Variants in LRRC72 observed in about 807,000 individuals in gnomAD.
LRRC72 encodes the protein leucine-rich repeat-containing protein 72.
Under a neutral mutation model 35.8 loss-of-function variants are expected in LRRC72, and 41 were observed. That is an observed-to-expected ratio of 1.15 (90% CI 0.89 to 1.49). LRRC72 has a LOEUF of 1.49. Ranked by LOEUF, LRRC72 falls within the 40% of genes most tolerant of loss-of-function variation. LRRC72 has a pLI of 0.00. For missense variants in LRRC72, 389 were observed against 330.7 expected, an observed-to-expected ratio of 1.18 and a Z score of -1.37; for synonymous variants, 118 against 119.2, an observed-to-expected ratio of 0.99 and a Z score of 0.07.
rs138972656 is a variant in LRRC72, at chr7:16,548,588, G to C, written c.235-8772G>C. Among the ~76,000 whole-genome samples the C allele has an allele frequency of 2.0e-3, 309 of 152,332 alleles. 2 individuals carry two copies. Among genetic ancestry groups the C allele is most frequent in the Middle Eastern group, 0.017 (5 of 294 alleles). On this transcript the variant is annotated intron_variant, in intron 3 of 8. Transcript: ENST00000401542. ...CCCAGCCACAGCCTCACAGGAAGCT[G>C]GTGCCCATGCCAATCCCTGGAACTG... is the stretch of plus-strand genomic sequence containing the variant.
At chr7:16,567,695 A>G (rs1030751917) in intron 7 of LRRC72, among the ~76,000 whole-genome samples, 152 bp downstream of exon 7, 3 of 152,094 alleles carry the variant, frequency 2.0e-5, no homozygotes, top group African/African-American at 7.2e-5. Flanking sequence ...TGCTAACCTT[A>G]TAATACTTTT....
chr7:16,572,029 C>T (rs1380799568), intron 7 of LRRC72, among the ~76,000 whole-genome samples: 1 of 152,176 alleles, frequency 6.6e-6, no homozygotes, highest in Non-Finnish European at 1.5e-5. Context: ...TCTGCCAAAA[C>T]AGAAGCTTGA....
chr7:16,547,793 C>T (rs1394190569), intron 3 of LRRC72, among the ~76,000 whole-genome samples: 2 of 152,216 alleles, frequency 1.3e-5, no homozygotes, highest in South Asian at 4.1e-4. Context: ...GAAGGCAGCT[C>T]GGCACTGGCC....
chr7:16,576,242 C>T (rs1036910743), intron 7 of LRRC72, among the ~76,000 whole-genome samples: 11 of 152,080 alleles, frequency 7.2e-5, no homozygotes, highest in South Asian at 2.1e-4. Flanking sequence ...TAATAAAACG[C>T]GCTATGTAAA....
At chr7:16,560,690 T>A (rs939571189) in intron 5 of LRRC72, among the ~76,000 whole-genome samples, 3 of 152,120 alleles carry the variant, frequency 2.0e-5, no homozygotes, top group Admixed American at 2.0e-4. Flanking sequence ...ACTCTGTTTT[T>A]TTTTTTTAAG....
At chr7:16,577,218 G>A (rs1012311561) in intron 7 of LRRC72, among the ~76,000 whole-genome samples, 1 of 152,102 alleles carries the variant, frequency 6.6e-6, no homozygotes, top group Admixed American at 6.6e-5. Context: ...AATTTGTGAA[G>A]GGAAAAATCA....
chr7:16,532,517 T>C lies in LRRC72; in HGVS notation c.113T>C (p.Ile38Thr), dbSNP rs1782185857. ...SRRAVEDQLKICGHRRDADVF... is the reference protein window; with the variant it reads ...SRRAVEDQLKTCGHRRDADVF... ...CAGGCAGTTGAAGATCAGCTAAAGA[T>C]ATGTGGCCACAGGAGGGATGCTGAT... The change falls in exon 2 of 9, where the codon ATA (isoleucine) becomes ACA (threonine). Residue 38 changes from isoleucine (I) to threonine (T), a missense_variant. Physicochemically the swap from Ile to Thr is moderately conservative, Grantham distance 89 (BLOSUM62 -1). Coordinates refer to ENST00000401542, the MANE Select transcript of LRRC72 (RefSeq NM_001195280.2). The C allele has an allele frequency of 1.3e-6, 2 of 1,550,130 alleles. No individual in the cohort carries two copies. The highest frequency in any genetic ancestry group is 1.7e-6 in the Non-Finnish European group (2 of 1,146,488).
chr7:16,555,130 C>T (rs535330138), intron 3 of LRRC72, among the ~76,000 whole-genome samples: 49 of 152,228 alleles, frequency 3.2e-4, no homozygotes, highest in African/African-American at 1.1e-3. Context: ...TGGGGAAACA[C>T]GGCTTCTCTC....
At chr7:16,579,549 A>G (rs113068428) in intron 7 of LRRC72, among the ~76,000 whole-genome samples, 78 of 152,120 alleles carry the variant, frequency 5.1e-4, no homozygotes, top group African/African-American at 1.7e-3. Context: ...GGTTTTGAGG[A>G]CTAGTCTTGG....
intron 5 of LRRC72, among the ~76,000 whole-genome samples, chr7:16,565,532 T>C (rs1768737039): frequency 6.6e-6 from 1 of 152,202 alleles, no homozygotes; most frequent in Non-Finnish European, 1.5e-5. Context: ...GGAAAATATC[T>C]TTTTTTAAAA....
chr7:16,537,573 T>TA, intron 2 of LRRC72, 54 bp from the exon 3 acceptor site: 1 of 1,101,906 alleles, frequency 9.1e-7, no homozygotes, highest in Non-Finnish European at 1.3e-6. Flanking sequence ...TGCCCAGACT[T>TA]ACCTATGTGT....
intron 3 of LRRC72, among the ~76,000 whole-genome samples, chr7:16,546,720 G>C (rs1782448932): frequency 6.6e-6 from 1 of 152,126 alleles, no homozygotes; most frequent in East Asian, 1.9e-4. Flanking sequence ...GCCACCCCAG[G>C]CACTGGGGTG....
intron 7 of LRRC72, among the ~76,000 whole-genome samples, chr7:16,569,704 A>AGGAAG (rs148166700): frequency 0.46 from 69,187 of 150,468 alleles, 16,196 homozygotes; most frequent in South Asian, 0.67. Context: ...GGTGCAAGAG[A>AGGAAG]GGAAGGGAAG....
intron 2 of LRRC72, among the ~76,000 whole-genome samples, chr7:16,536,275 G>C (rs1782255825): frequency 6.6e-6 from 1 of 151,942 alleles, no homozygotes; most frequent in South Asian, 2.1e-4. Flanking sequence ...ATGTTAATGG[G>C]ATACAGGATT....
At chr7:16,555,015 C>G (rs1379735663) in intron 3 of LRRC72, among the ~76,000 whole-genome samples, 1 of 152,130 alleles carries the variant, frequency 6.6e-6, no homozygotes, top group African/African-American at 2.4e-5. Flanking sequence ...AGAGGAAGAA[C>G]AGAAGGCAGC....
chr7:16,533,905 A>G (rs375926491), intron 2 of LRRC72, among the ~76,000 whole-genome samples: 21 of 152,186 alleles, frequency 1.4e-4, no homozygotes, highest in African/African-American at 5.1e-4. Context: ...AAAAGATTGC[A>G]TCTTTCATGA....
At chr7:16,579,774 CTTGGATTCCATTGGTACAT>C (rs1439878269) in intron 7 of LRRC72, among the ~76,000 whole-genome samples, 1 of 152,120 alleles carries the variant, frequency 6.6e-6, no homozygotes, top group East Asian at 1.9e-4. Context: ...AAAATTCCCA[CTTGGATTCCATTGGTACAT>C]TATAAATTGA....
intron 1 of LRRC72, among the ~76,000 whole-genome samples, chr7:16,529,430 C>A (rs1265862855): frequency 6.6e-6 from 1 of 152,098 alleles, no homozygotes; most frequent in African/African-American, 2.4e-5. Context: ...ATTGTACTTG[C>A]AGATACTGTT....
intron 3 of LRRC72, among the ~76,000 whole-genome samples, chr7:16,550,255 G>C (rs1374736458): frequency 6.6e-6 from 1 of 152,028 alleles, no homozygotes; most frequent in African/African-American, 2.4e-5. Context: ...ACTGAGAACT[G>C]AAGTATAGCA....
Sources: gnomAD v4.1 joint callset for allele counts (sites outside exome capture counted in the v4.1 genomes callset) on GRCh38, gnomAD v4.1.1 for gene constraint, MANE v1.5 for transcripts, NCBI Gene and HGNC (gene_info 2026-07-23, HGNC 2026-07-21) for gene names.